KIF26A: variants seen among roughly 807,000 people sequenced by gnomAD.
The protein encoded by KIF26A is kinesin family member 26A, also known as kinesin-like protein KIF26A.
A neutral mutation model predicts 126.0 loss-of-function variants in KIF26A; 74 were observed. The observed-to-expected ratio is 0.59, with a 90% CI of 0.49 to 0.71. The LOEUF (loss-of-function observed/expected upper bound fraction) is 0.71. Ranked by LOEUF, KIF26A falls within the 30% of genes least tolerant of loss-of-function variation. The pLI, the probability that KIF26A is intolerant of heterozygous loss-of-function variation, is 0.00. For missense variants in KIF26A, 2,984 were observed against 2,763.3 expected (o/e 1.08, Z -1.79); for synonymous variants, 1,445 against 1,232.7 (o/e 1.17, Z -3.61).
intron 4 of KIF26A, among the ~76,000 whole-genome samples, chr14:104,163,152 C>A (rs927016972): frequency 2.0e-5 from 3 of 152,150 alleles, no homozygotes; most frequent in Non-Finnish European, 4.4e-5. Flanking sequence ...CAGGAAGAAC[C>A]CCAAGAGCAG....
chr14:104,154,837 G>C (rs1407870983), intron 3 of KIF26A, among the ~76,000 whole-genome samples: 1 of 152,236 alleles, frequency 6.6e-6, no homozygotes, highest in Admixed American at 6.5e-5. Context: ...TGGAGGTGTT[G>C]ACGGTGGCCC....
In KIF26A at chr14:104,148,626, T is replaced by G; in HGVS notation, c.289-3389T>G. Among the ~76,000 whole-genome samples, 1 of 137,014 alleles carries G rather than the reference T, an allele frequency of 7.3e-6. No individual in the cohort carries two copies. The highest frequency in any genetic ancestry group is 1.6e-5 in the Non-Finnish European group (1 of 63,628). The allele number at this position is 137,014 out of a possible 152,430, so 89.9% of individuals were successfully genotyped here. ...GCAGGAAGTGGCCACAGAGCAGGAT[T>G]TGTTGTTGTTGGCGGTGGGGGCTGT... On this transcript the variant is annotated intron_variant, in intron 2 of 14. Coordinates refer to ENST00000423312, the MANE Select transcript of KIF26A (RefSeq NM_015656.2). The surrounding 1 kb of genome is among the most constrained non-coding windows in gnomAD (Gnocchi z 4.3).
chr14:104,142,163 A>G (rs1596130620), intron 2 of KIF26A, among the ~76,000 whole-genome samples: 1 of 151,686 alleles, frequency 6.6e-6, no homozygotes, highest in East Asian at 1.9e-4. Flanking sequence ...TGCCCTCCCC[A>G]CCTTTCTGAG....
Position 104,164,176 on chromosome 14 carries a change from G to A in KIF26A, c.924-2683G>A, listed in dbSNP as rs557163811. Among the ~76,000 whole-genome samples the A allele has an allele frequency of 6.6e-5, 10 of 152,288 alleles. 1 individual carries two copies. Among genetic ancestry groups the A allele is most frequent in the South Asian group, 2.1e-4 (1 of 4,822 alleles). ...GTGGGGGCAGCGAGAGGCCGGGCCC[G>A]GCTCTGGGGTGCAGGTCCTTCCACA... On this transcript the variant is annotated intron_variant, in intron 4 of 14. Coordinates refer to ENST00000423312, the MANE Select transcript of KIF26A (RefSeq NM_015656.2).
Position 104,176,441 on chromosome 14 carries a change from C to G in KIF26A, c.3653C>G (p.Ser1218Cys). Reference protein sequence around the residue: ...SSLPRKPRTASATTRVGCARL... With the variant: ...SSLPRKPRTACATTRVGCARL... ...CTCCCCCGGAAACCGAGGACTGCCT[C>G]TGCCACCACCCGTGTGGGCTGTGCT... Residue 1218 changes from serine to cysteine, a missense_variant, in exon 12 of 15, where the codon TCT becomes TGT. Transcript: ENST00000423312. 1 of 1,599,654 alleles carries G rather than the reference C, an allele frequency of 6.3e-7. No individual in the cohort carries two copies. The highest frequency in any genetic ancestry group is 8.5e-7 in the Non-Finnish European group (1 of 1,172,198).
chr14:104,179,119 C>T (rs995982935), intron 13 of KIF26A, 117 bp from the exon 14 acceptor site: 6 of 1,211,362 alleles, frequency 5.0e-6, no homozygotes, highest in South Asian at 3.6e-5. Context: ...CTTGGAGCCC[C>T]ACTGTGTGCC....
intron 4 of KIF26A, among the ~76,000 whole-genome samples, chr14:104,160,861 G>T (rs2039895): frequency 2.0e-4 from 30 of 152,118 alleles, no homozygotes; most frequent in African/African-American, 7.0e-4. Context: ...GCTAAGGGAG[G>T]TTGCTTCCAT....
In KIF26A at chr14:104,163,015, C is replaced by T. The variant is rs146714069; in HGVS notation, c.924-3844C>T. ...CTGTCCCAGTCCTGCCTGCTAGATG[C>T]GGATGTTTTCCAAAGCGGGGCCGCA... On this transcript the variant is annotated intron_variant, in intron 4 of 14. Transcript: ENST00000423312. Among the ~76,000 whole-genome samples the T allele has an allele frequency of 9.8e-5, 15 of 152,340 alleles. 1 individual carries two copies. Among genetic ancestry groups the T allele is most frequent in the African/African-American group, 1.4e-4 (6 of 41,584 alleles).
chr14:104,140,093 C>T (rs901781008), intron 2 of KIF26A, among the ~76,000 whole-genome samples: 11 of 152,200 alleles, frequency 7.2e-5, no homozygotes, highest in African/African-American at 1.9e-4. Context: ...CTGGGAAGTC[C>T]GCATAATCCC....
chr14:104,158,422 C>T (rs891106872), intron 4 of KIF26A, among the ~76,000 whole-genome samples: 4 of 152,210 alleles, frequency 2.6e-5, no homozygotes, highest in Non-Finnish European at 4.4e-5. Context: ...CAGGCTGGGG[C>T]CACGGAGAGG....
chr14:104,159,898 C>T (rs1301374928), intron 4 of KIF26A, among the ~76,000 whole-genome samples: 1 of 152,104 alleles, frequency 6.6e-6, no homozygotes, highest in African/African-American at 2.4e-5. Flanking sequence ...GTGTCCACTC[C>T]TGGGTTTTGT....
intron 1 of KIF26A, 95 bp from the exon 2 acceptor site, chr14:104,138,948 T>C (rs1297687763): frequency 7.7e-7 from 1 of 1,300,124 alleles, no homozygotes; most frequent in Non-Finnish European, 9.7e-7. Context: ...GCTCCTAACT[T>C]TGGCAAGAGC....
intron 4 of KIF26A, among the ~76,000 whole-genome samples, chr14:104,165,287 G>T (rs746997757): frequency 2.6e-4 from 40 of 151,720 alleles, no homozygotes; most frequent in Non-Finnish European, 5.2e-4. Flanking sequence ...GCATGTGTGT[G>T]TCTCTGTATG....
chr14:104,155,139 G>A (rs1347470079), intron 3 of KIF26A, among the ~76,000 whole-genome samples: 2 of 152,188 alleles, frequency 1.3e-5, no homozygotes, highest in East Asian at 3.9e-4. Flanking sequence ...TCGGCTCTGA[G>A]CCTCCCTGGC....
At chr14:104,139,330 A>G (rs1478748338) in intron 2 of KIF26A, 42 bp downstream of exon 2, 1 of 1,391,254 alleles carries the variant, frequency 7.2e-7, no homozygotes, top group Non-Finnish European at 9.4e-7. Flanking sequence ...GAGCAGGGCC[A>G]CGCCGAACTT....
chr14:104,149,952 GT>G (rs2141093262), intron 2 of KIF26A, among the ~76,000 whole-genome samples: 1 of 152,348 alleles, frequency 6.6e-6, no homozygotes, highest in African/African-American at 2.4e-5. Flanking sequence ...CTCCTGCTGA[GT>G]GGAAAATCAG....
chr14:104,154,981 G>T (rs1363743743), intron 3 of KIF26A, among the ~76,000 whole-genome samples: 2 of 152,180 alleles, frequency 1.3e-5, no homozygotes, highest in Non-Finnish European at 2.9e-5. Context: ...CCAGGCAGGG[G>T]CAGATCTTTG....
intron 2 of KIF26A, among the ~76,000 whole-genome samples, chr14:104,150,673 G>C (rs2037720834): frequency 6.6e-6 from 1 of 152,206 alleles, no homozygotes; most frequent in Non-Finnish European, 1.5e-5. Context: ...GTTTGAGAAG[G>C]CTGCAGTGCC....
Position 104,171,827 on chromosome 14 carries a change from C to T in KIF26A, c.1218C>T (p.Tyr406=), listed in dbSNP as rs1398662608. 1 of 1,559,008 alleles carries T rather than the reference C, an allele frequency of 6.4e-7. No individual in the cohort carries two copies. Among genetic ancestry groups the T allele is most frequent in the Non-Finnish European group, 8.7e-7 (1 of 1,152,500 alleles). Residue 406 remains tyrosine (Y), a synonymous_variant, in exon 6 of 15, where the codon TAC becomes TAT. Transcript: ENST00000423312. ...CTCGGAAGAAGCAGGTGATCCTCTA[C>T]GATCCCGCCGCCGGTCCCCCAGGCA... ...VDPRKKQVIL[Y]DPAAGPPGSA...
Sources: allele counts gnomAD v4.1 joint callset (sites outside exome capture counted in the v4.1 genomes callset), GRCh38; gene constraint gnomAD v4.1.1; non-coding constraint Gnocchi (gnomAD v3.1); transcripts MANE v1.5; gene names NCBI Gene and HGNC (gene_info 2026-07-23, HGNC 2026-07-21).